Variants in NR1H4 observed in about 807,000 individuals in gnomAD.
The protein encoded by NR1H4 is nuclear receptor subfamily 1 group H member 4.
In NR1H4, 23 loss-of-function variants were observed where a neutral mutation model predicts 58.5. The observed-to-expected ratio is 0.39, with a 90% CI of 0.28 to 0.56. The LOEUF is 0.56. Ranked by LOEUF, NR1H4 falls within the 20% of genes least tolerant of loss-of-function variation. The pLI is 0.58. For synonymous variants in NR1H4, 214 were observed against 198.0 expected (o/e 1.08, Z -0.68); for missense variants, 487 against 576.9 (o/e 0.84, Z 1.60).
At chr12:100,503,501 G>A (rs1406757061) in intron 3 of NR1H4, 16 of 1,590,944 alleles carry the variant, frequency 1.0e-5, no homozygotes, top group Non-Finnish European at 1.1e-5. Context: ...CGAAAGGTAG[G>A]ACACTGTTCA....
At chr12:100,545,165 T>C (rs1955030778) in intron 9 of NR1H4, among the ~76,000 whole-genome samples, 1 of 152,138 alleles carries the variant, frequency 6.6e-6, no homozygotes. Flanking sequence ...TCAGATCTCC[T>C]GGGTCCTGAG....
At chr12:100,506,557 G>A (rs370615057) in intron 3 of NR1H4, among the ~76,000 whole-genome samples, 8 of 152,154 alleles carry the variant, frequency 5.3e-5, no homozygotes, top group Non-Finnish European at 1.0e-4. Context: ...CCAGGCTGGA[G>A]TGCAATGACA....
chr12:100,508,600 C>T (rs778033172), intron 3 of NR1H4, among the ~76,000 whole-genome samples: 104 of 152,032 alleles, frequency 6.8e-4, no homozygotes, highest in Non-Finnish European at 1.2e-3. Flanking sequence ...TCATGGTACT[C>T]ATTTGTAAGT....
intron 4 of NR1H4, among the ~76,000 whole-genome samples, chr12:100,513,886 T>A (rs1954195918): frequency 6.6e-6 from 1 of 151,124 alleles, no homozygotes; most frequent in East Asian, 1.9e-4. Context: ...TAAAGTAGTT[T>A]CCAAATGACA....
chr12:100,519,052 T>C (rs916217534), intron 4 of NR1H4, among the ~76,000 whole-genome samples: 1 of 152,134 alleles, frequency 6.6e-6, no homozygotes, highest in Non-Finnish European at 1.5e-5. Flanking sequence ...CCTTCCAAAG[T>C]GCTGCGGTTG....
At chr12:100,524,715 A>G (rs1954512655) in intron 4 of NR1H4, among the ~76,000 whole-genome samples, 2 of 152,196 alleles carry the variant, frequency 1.3e-5, no homozygotes, top group Admixed American at 1.3e-4. Flanking sequence ...TACCCTCTTC[A>G]ACTGCTCCTA....
Position 100,540,680 on chromosome 12 carries a change from A to C in NR1H4, c.940A>C (p.Thr314Pro). ...EFTKKLPGFQ[T>P]LDHEDQIALL... ...TTATCATCATTACCTAGGATTTCAGACTTTGGACCATGAAGACCAGATTGC... is the reference window on the plus strand; with the variant it reads ...TTATCATCATTACCTAGGATTTCAGCCTTTGGACCATGAAGACCAGATTGC... The change falls in exon 9 of 11, where the codon ACT (threonine) becomes CCT (proline). Residue 314 changes from threonine to proline, a missense_variant. Physicochemically the swap from Thr to Pro is conservative, Grantham distance 38 (BLOSUM62 -1). Transcript: ENST00000392986. 1.2e-6 allele frequency: 2 copies of C among 1,614,104 alleles called. No homozygotes were observed. Among genetic ancestry groups the C allele is most frequent in the Non-Finnish European group, 1.7e-6 (2 of 1,179,972 alleles).
intron 9 of NR1H4, among the ~76,000 whole-genome samples, chr12:100,559,543 T>G (rs1593140754): frequency 6.6e-6 from 1 of 152,012 alleles, no homozygotes; most frequent in Non-Finnish European, 1.5e-5. Context: ...CTGCGGAGGG[T>G]GTACTGGGTC....
chr12:100,477,748 A>G (rs1170352805), intron 1 of NR1H4, among the ~76,000 whole-genome samples: 1 of 151,970 alleles, frequency 6.6e-6, no homozygotes, highest in Non-Finnish European at 1.5e-5. Context: ...AGTGTAGACG[A>G]CAAGTTGATA....
intron 8 of NR1H4, among the ~76,000 whole-genome samples, chr12:100,537,737 G>A (rs1261574952): frequency 2.0e-5 from 3 of 152,128 alleles, no homozygotes; most frequent in African/African-American, 4.8e-5. Flanking sequence ...TGTTTGAGAC[G>A]GAGTCTCGCT....
At position 100,515,739 on chromosome 12, in the gene NR1H4, A is replaced by G. The variant is rs79782865; in HGVS notation, c.445+4596A>G. On this transcript the variant is annotated intron_variant, in intron 4 of 10. Transcript: ENST00000392986. Reference sequence around the variant, plus strand: ...TTATGGTCCTAGAATTGATTTACATATCGTGTAATGGCAATGTGAGTGTTT... The same window carrying G: ...TTATGGTCCTAGAATTGATTTACATGTCGTGTAATGGCAATGTGAGTGTTT... Among the ~76,000 whole-genome samples, 348 of 152,322 alleles carry G rather than the reference A, an allele frequency of 2.3e-3. 11 individuals are homozygous for G. The East Asian group carries it at 0.062, about 27-fold the overall frequency.
intron 4 of NR1H4, among the ~76,000 whole-genome samples, chr12:100,528,364 C>G (rs550030917): frequency 6.7e-6 from 1 of 150,232 alleles, no homozygotes; most frequent in South Asian, 2.1e-4. Flanking sequence ...GAGGCTCCAT[C>G]TGGGAAAGAA....
At chr12:100,539,852 G>A (rs1954896599) in intron 8 of NR1H4, among the ~76,000 whole-genome samples, 1 of 152,184 alleles carries the variant, frequency 6.6e-6, no homozygotes, top group Non-Finnish European at 1.5e-5. Context: ...TAGTGGTGGG[G>A]AGTGTATTTT....
chr12:100,486,835 T>C (rs1953502027), intron 1 of NR1H4, among the ~76,000 whole-genome samples: 1 of 151,548 alleles, frequency 6.6e-6, no homozygotes, highest in Non-Finnish European at 1.5e-5. Context: ...CCTTGTACCA[T>C]AAACTAAAAA....
At chr12:100,507,529 C>T (rs1269611075) in intron 3 of NR1H4, among the ~76,000 whole-genome samples, 1 of 152,056 alleles carries the variant, frequency 6.6e-6, no homozygotes, top group Non-Finnish European at 1.5e-5. Flanking sequence ...GTGGCGCGAT[C>T]TCGGCTCACT....
intron 1 of NR1H4, among the ~76,000 whole-genome samples, chr12:100,476,136 C>T (rs916273642): frequency 2.0e-5 from 3 of 152,140 alleles, no homozygotes; most frequent in African/African-American, 7.2e-5. Context: ...GGGACCTGAA[C>T]TTGAGGGCGG....
intron 9 of NR1H4, among the ~76,000 whole-genome samples, chr12:100,558,506 T>A (rs1049615629): frequency 9.9e-5 from 15 of 152,196 alleles, no homozygotes; most frequent in African/African-American, 3.1e-4. Context: ...CACAGGCATG[T>A]GCCCACTGCA....
At chr12:100,510,193 T>C (rs1954071056) in intron 3 of NR1H4, among the ~76,000 whole-genome samples, 1 of 152,190 alleles carries the variant, frequency 6.6e-6, no homozygotes, top group Non-Finnish European at 1.5e-5. Flanking sequence ...TACTTTTTCA[T>C]AGAGGTTCAA....
intron 4 of NR1H4, among the ~76,000 whole-genome samples, chr12:100,522,492 G>T (rs547655618): frequency 6.6e-6 from 1 of 151,842 alleles, no homozygotes; most frequent in African/African-American, 2.4e-5. Context: ...TTAAAAAAAT[G>T]GGATATTATT....
Sources: gnomAD v4.1 joint callset for allele counts (sites outside exome capture counted in the v4.1 genomes callset) on GRCh38, gnomAD v4.1.1 for gene constraint, MANE v1.5 for transcripts, NCBI Gene and HGNC (gene_info 2026-07-23, HGNC 2026-07-21) for gene names.